The following PDE4B variants were observed in gnomAD, a reference collection of about 807,000 sequenced individuals.
PDE4B encodes the protein phosphodiesterase 4B.
PDE4B carries 20 observed loss-of-function variants against 82.2 expected under a neutral mutation model. The observed-to-expected ratio is 0.24, with a 90% CI of 0.17 to 0.35. The LOEUF is 0.35. Among genes scored for constraint, PDE4B ranks in the 10% least tolerant of loss-of-function variants. The pLI is 1.00. For missense variants in PDE4B, 655 were observed against 907.2 expected, an observed-to-expected ratio of 0.72 and a Z score of 3.57; for synonymous variants, 320 against 318.9, an observed-to-expected ratio of 1.00 and a Z score of -0.04.
At chr1:66,231,849 A>C (rs779980678) in intron 3 of PDE4B, among the ~76,000 whole-genome samples, 1 of 152,204 alleles carries the variant, frequency 6.6e-6, no homozygotes, top group Non-Finnish European at 1.5e-5. Flanking sequence ...AAAGCCTATC[A>C]CGGTGATTCA....
chr1:66,056,766 A>G (rs534250376), intron 3 of PDE4B, among the ~76,000 whole-genome samples: 5 of 152,312 alleles, frequency 3.3e-5, no homozygotes, highest in African/African-American at 1.2e-4. Flanking sequence ...GAATGTGATC[A>G]TGAGTCAAGA....
chr1:66,169,669 A>T (rs957056295), intron 3 of PDE4B, among the ~76,000 whole-genome samples: 6 of 152,210 alleles, frequency 3.9e-5, no homozygotes, highest in Non-Finnish European at 7.3e-5. Flanking sequence ...TATTTGATTA[A>T]TCAGATCACT....
chr1:65,852,003 G>T (rs1401639473), intron 1 of PDE4B, among the ~76,000 whole-genome samples: 1 of 151,968 alleles, frequency 6.6e-6, no homozygotes, highest in African/African-American at 2.4e-5. Flanking sequence ...ATATGTTAAT[G>T]CAGTGAATTA....
At chr1:65,885,659 A>C (rs1258078311) in intron 1 of PDE4B, among the ~76,000 whole-genome samples, 1 of 151,982 alleles carries the variant, frequency 6.6e-6, no homozygotes, top group Non-Finnish European at 1.5e-5. Flanking sequence ...GGAATTGAAC[A>C]ATGAGAACAC....
At chr1:65,993,807 A>G (rs893252674) in intron 3 of PDE4B, among the ~76,000 whole-genome samples, 3 of 152,164 alleles carry the variant, frequency 2.0e-5, no homozygotes, top group African/African-American at 7.2e-5. Context: ...TTAAATACCC[A>G]GCAAATAAAT....
chr1:65,989,399 G>T (rs1651122777), intron 3 of PDE4B, among the ~76,000 whole-genome samples: 1 of 152,096 alleles, frequency 6.6e-6, no homozygotes, highest in Admixed American at 6.6e-5. Context: ...TACTCAGGAG[G>T]TAGGATCGCT....
intron 7 of PDE4B, among the ~76,000 whole-genome samples, chr1:66,284,268 C>T (rs1007235335): frequency 6.6e-6 from 1 of 151,944 alleles, no homozygotes; most frequent in South Asian, 2.1e-4. Flanking sequence ...TAGTATTTCC[C>T]ATAGCTCGGT....
At chr1:66,254,951 G>T (rs1654077116) in intron 4 of PDE4B, among the ~76,000 whole-genome samples, 1 of 151,866 alleles carries the variant, frequency 6.6e-6, no homozygotes, top group South Asian at 2.1e-4. Context: ...TTTTCTGTTG[G>T]CCCATCTCAC....
At chr1:66,156,260 G>A (rs1433839086) in intron 3 of PDE4B, among the ~76,000 whole-genome samples, 2 of 152,128 alleles carry the variant, frequency 1.3e-5, no homozygotes, top group Middle Eastern at 3.4e-3. Context: ...ATCCTTTTTC[G>A]GTCTCAATAG....
intron 1 of PDE4B, among the ~76,000 whole-genome samples, chr1:65,887,238 C>CT (rs748107607): frequency 0.1 from 2,016 of 19,456 alleles, 32 homozygotes; most frequent in East Asian, 0.23. Flanking sequence ...TTCTTTCTTT[C>CT]TTTCTTTCTT....
chr1:66,125,835 T>C (rs1645811156), intron 3 of PDE4B, among the ~76,000 whole-genome samples: 1 of 152,224 alleles, frequency 6.6e-6, no homozygotes, highest in Non-Finnish European at 1.5e-5. Context: ...AGATGGAGTT[T>C]CGCTCTTGTT....
In PDE4B at chr1:66,172,001, T is replaced by C. The variant is rs769782185; in HGVS notation, c.282-75459T>C. ...TTCAGGGAGTATATGTGCAGGTTTGTTACACTCGTATATTGTGTGATGCTG... is the reference window on the plus strand; with the variant it reads ...TTCAGGGAGTATATGTGCAGGTTTGCTACACTCGTATATTGTGTGATGCTG... On this transcript the variant is annotated intron_variant, in intron 3 of 16. Transcript: ENST00000341517. 9.4e-4 allele frequency among the ~76,000 whole-genome samples: 143 copies of C among 152,188 alleles called. 3 individuals are homozygous for C. The highest frequency in any genetic ancestry group is 3.2e-3 in the Middle Eastern group (1 of 316).
At chr1:65,810,061 C>T (rs1335405523) in intron 1 of PDE4B, among the ~76,000 whole-genome samples, 2 of 152,184 alleles carry the variant, frequency 1.3e-5, no homozygotes, top group African/African-American at 4.8e-5. Flanking sequence ...ATTCCTAGGC[C>T]AAAAGAAGGA....
chr1:66,168,570 C>G (rs144355530), intron 3 of PDE4B, among the ~76,000 whole-genome samples: 236 of 152,186 alleles, frequency 1.6e-3, no homozygotes, highest in African/African-American at 5.3e-3. Context: ...GTGGCTTCAG[C>G]AGTGTGGGGA....
intron 3 of PDE4B, among the ~76,000 whole-genome samples, chr1:66,082,651 T>TATATAC (rs1310733718): frequency 6.6e-6 from 1 of 151,208 alleles, no homozygotes; most frequent in Non-Finnish European, 1.5e-5. Flanking sequence ...AATATATATA[T>TATATAC]ATATATATAC....
rs543337678 is a variant in PDE4B, at chr1:66,111,857, A to G, written c.282-135603A>G. 5.2e-4 allele frequency among the ~76,000 whole-genome samples: 79 copies of G among 152,266 alleles called. 1 individual carries two copies. In the South Asian group the frequency reaches 0.016, roughly 31 times the overall value. ...CTGGTTATGGTTTCTTACCAAAAAT[A>G]AACAATGCCAGGGTTCACTATAATC... On this transcript the variant is annotated intron_variant, in intron 3 of 16. Coordinates refer to ENST00000341517, the MANE Select transcript of PDE4B (RefSeq NM_002600.4).
At chr1:66,228,872 A>G (rs1651691729) in intron 3 of PDE4B, among the ~76,000 whole-genome samples, 1 of 142,224 alleles carries the variant, frequency 7.0e-6, no homozygotes, top group South Asian at 2.6e-4. Flanking sequence ...AAAGCAAAAG[A>G]TAAAGAGTTC....
chr1:66,246,543 A>G (rs1653327253), intron 3 of PDE4B, among the ~76,000 whole-genome samples: 1 of 152,234 alleles, frequency 6.6e-6, no homozygotes. Context: ...TTTGAGGCTA[A>G]GAGAGATTGT....
rs1004144800 is a variant in PDE4B, at chr1:66,215,237, C to G, written c.282-32223C>G. Among the ~76,000 whole-genome samples, 12 of 152,236 alleles carry G rather than the reference C, an allele frequency of 7.9e-5. 1 individual carries two copies. The South Asian group carries it at 1.0e-3, about 13-fold the overall frequency. ...GGGAAGGTTTTAGCATTAGCCAATG[C>G]TAGCAAATATTTTCACTGTAGAAGC... On this transcript the variant is annotated intron_variant, in intron 3 of 16. Transcript: ENST00000341517.
Sources: gnomAD v4.1 joint callset for allele counts (sites outside exome capture counted in the v4.1 genomes callset) on GRCh38, gnomAD v4.1.1 for gene constraint, MANE v1.5 for transcripts, NCBI Gene and HGNC (gene_info 2026-07-23, HGNC 2026-07-21) for gene names.